AP5Z1: variants seen among roughly 807,000 people sequenced by gnomAD.
AP5Z1 encodes adaptor related protein complex 5 subunit zeta 1.
AP5Z1 carries 106 observed loss-of-function variants against 83.0 expected under a neutral mutation model. That is an observed-to-expected ratio of 1.28 (90% CI 1.09 to 1.50). The LOEUF (loss-of-function observed/expected upper bound fraction) is 1.50. Ranked by LOEUF, AP5Z1 falls within the 40% of genes most tolerant of loss-of-function variation. AP5Z1 has a pLI of 0.00. For missense variants in AP5Z1, 1,565 were observed against 1,094.2 expected (o/e 1.43, Z -6.07); for synonymous variants, 751 against 514.1 (o/e 1.46, Z -6.23).
At chr7:4,790,410 G>A (rs1203683258) in intron 14 of AP5Z1, 49 bp from the exon 15 acceptor site, 2 of 1,611,824 alleles carry the variant, frequency 1.2e-6, no homozygotes, top group Non-Finnish European at 1.7e-6. Context: ...GGATGGGGAT[G>A]GGGTCATAGG....
intron 1 of AP5Z1, among the ~76,000 whole-genome samples, chr7:4,779,945 AT>A (rs1029991694): frequency 6.6e-5 from 10 of 151,730 alleles, no homozygotes; most frequent in South Asian, 4.2e-4. Context: ...GCGTGGCCGA[AT>A]TTTTTTTATT....
At chr7:4,776,021 C>T (rs1197818485) in intron 1 of AP5Z1, among the ~76,000 whole-genome samples, 1 of 152,142 alleles carries the variant, frequency 6.6e-6, no homozygotes, top group African/African-American at 2.4e-5. Context: ...ACCCAGTCGA[C>T]AGTTTAGTCA....
rs748855008 is a variant in AP5Z1 at position 4,781,256 on chromosome 7, C to G, written c.123C>G (p.Thr41=). 6.2e-7 allele frequency: 1 copy of G among 1,613,856 alleles called. No homozygotes were observed. The highest frequency in any genetic ancestry group is 1.1e-5 in the South Asian group (1 of 91,078). ...AGGCGGAGGACTTGGGGCCGGACAC[C>G]CTCGACTCCCTGCAGAGGCTCTTCC... ...LLQAEDLGPD[T]LDSLQRLFLI... Residue 41 remains threonine, a synonymous_variant, in exon 2 of 17, where the codon ACC becomes ACG. Coordinates refer to ENST00000649063, the MANE Select transcript of AP5Z1 (RefSeq NM_014855.3).
intron 14 of AP5Z1, 74 bp downstream of exon 14, chr7:4,790,003 C>G: frequency 4.5e-6 from 5 of 1,121,394 alleles, no homozygotes; most frequent in South Asian, 3.4e-5. Flanking sequence ...CCCCTCCCCC[C>G]TCCCCTTCAG....
chr7:4,776,884 G>T (rs546166183), intron 1 of AP5Z1, among the ~76,000 whole-genome samples: 3 of 152,176 alleles, frequency 2.0e-5, no homozygotes, highest in Non-Finnish European at 4.4e-5. Context: ...TCGCACCACT[G>T]GACTCCAGTC....
Position 4,793,687 on chromosome 7 carries a change from G to C in AP5Z1, c.*2302G>C, listed in dbSNP as rs573464267. On this transcript the variant is annotated 3_prime_UTR_variant, in exon 17 of 17. Coordinates refer to ENST00000649063, the MANE Select transcript of AP5Z1 (RefSeq NM_014855.3). The stretch of plus-strand genomic sequence containing the variant: ...TAGCACCTGGACCAGCAGCTGCTGT[G>C]CTCGATTTCTCACTGGGCCTTAGCT... 6.6e-6 allele frequency: 1 copy of C among 152,650 alleles called. No individual in the cohort carries two copies. 9.5% of individuals were successfully genotyped at this position (152,650 alleles called of 1,614,324 possible).
Position 4,785,680 on chromosome 7 carries a change from C to T in AP5Z1, c.1128C>T (p.Ser376=). The T allele has an allele frequency of 6.5e-7, 1 of 1,529,916 alleles. No individual in the cohort carries two copies. Among genetic ancestry groups the T allele is most frequent in the Non-Finnish European group, 8.8e-7 (1 of 1,137,024 alleles). 94.8% of individuals were successfully genotyped at this position (1,529,916 alleles called of 1,614,324 possible). ...TGCCCCTCGCCCACTTCTTCCTGAG[C>T]CACGGTGAGCCCAGGGTGGGGTGGC... is the stretch of plus-strand genomic sequence containing the variant. ...VLLPLAHFFL[S]HGEAAAVDSE... is the part of the protein sequence containing the mutation. The change falls in exon 9 of 17, where the codon AGC becomes AGT. Residue 376 remains serine, a synonymous_variant. Transcript: ENST00000649063.
At chr7:4,786,972 A>G (rs1045769879) in intron 10 of AP5Z1, among the ~76,000 whole-genome samples, 1 of 151,646 alleles carries the variant, frequency 6.6e-6, no homozygotes, top group Non-Finnish European at 1.5e-5. Context: ...GGGTTTCGAC[A>G]TGTTGGCCAG....
chr7:4,786,968 C>T (rs778233651), intron 10 of AP5Z1, among the ~76,000 whole-genome samples: 21 of 151,886 alleles, frequency 1.4e-4, no homozygotes, highest in Non-Finnish European at 2.2e-4. Flanking sequence ...GATGGGGTTT[C>T]GACATGTTGG....
At chr7:4,790,437 G>T in intron 14 of AP5Z1, 22 bp from the exon 15 acceptor site, 1 of 1,612,912 alleles carries the variant, frequency 6.2e-7, no homozygotes, top group Non-Finnish European at 8.5e-7. Flanking sequence ...CAGAGCAGGC[G>T]TAGACCCGGC....
At chr7:4,790,007 C>CT in intron 14 of AP5Z1, 78 bp downstream of exon 14, 1 of 1,142,444 alleles carries the variant, frequency 8.8e-7, no homozygotes, top group Non-Finnish European at 1.2e-6. Flanking sequence ...TCCCCCCTCC[C>CT]CTTCAGTGGC....
intron 1 of AP5Z1, among the ~76,000 whole-genome samples, chr7:4,778,549 T>C (rs891221422): frequency 1.3e-5 from 2 of 151,532 alleles, no homozygotes; most frequent in African/African-American, 2.4e-5. Flanking sequence ...GGAGGCAGCG[T>C]TGGGGTCTGT....
Position 4,783,752 on chromosome 7 carries a change from G to A in AP5Z1, c.575G>A (p.Gly192Glu), listed in dbSNP as rs752495902. ...CTGCGCTACGCCAGCCTCCAGCAAG[G>A]GCTCCCACACTCCGGCGGCTTCTTC... ...DWLRYASLQQGLPHSGGFFST... is the reference protein window; with the variant it reads ...DWLRYASLQQELPHSGGFFST... The change falls in exon 5 of 17, where the codon GGG (glycine) becomes GAG (glutamate). Residue 192 changes from glycine (G) to glutamate (E), a missense_variant. Gly to Glu is a moderately conservative substitution (Grantham distance 98). Coordinates refer to ENST00000649063, the MANE Select transcript of AP5Z1 (RefSeq NM_014855.3). The A allele has an allele frequency of 3.3e-5, 51 of 1,550,868 alleles. No individual in the cohort carries two copies. The highest frequency in any genetic ancestry group is 3.3e-4 in the Middle Eastern group (2 of 5,994).
rs768975897 is a variant in AP5Z1, at chr7:4,785,094, C to T, written c.931+46C>T. On this transcript the variant is annotated intron_variant, in intron 7 of 16. Coordinates refer to ENST00000649063, the MANE Select transcript of AP5Z1 (RefSeq NM_014855.3). ...ACTGGCCTCCCCAGGGCTCGACGCACCTGCTCTGCAAGGCCACCTGAGGCC... is the reference window on the plus strand; with the variant it reads ...ACTGGCCTCCCCAGGGCTCGACGCATCTGCTCTGCAAGGCCACCTGAGGCC... 5 of 1,549,704 alleles carry T rather than the reference C, an allele frequency of 3.2e-6. No individual in the cohort carries two copies. The South Asian group carries it at 6.1e-5, about 19-fold the overall frequency.
chr7:4,785,142 G>C (rs1781500168), intron 7 of AP5Z1, 94 bp downstream of exon 7: 1 of 1,502,908 alleles, frequency 6.7e-7, no homozygotes, highest in Non-Finnish European at 8.9e-7. Context: ...CTGAGCTACT[G>C]CTCCACAGAG....
Position 4,790,772 on chromosome 7 carries a change from G to T in AP5Z1, c.2038G>T (p.Glu680Ter). The change falls in exon 16 of 17, where the codon GAG (glutamate) becomes TAG (stop). Residue 680 changes from glutamate (E) to a stop codon, truncating the protein, a stop_gained. Transcript: ENST00000649063. LOFTEE classifies it high-confidence loss of function. The part of the protein sequence containing the change: ...FFEALEALLF[E>*]VTQCRPSAAL... ...CGAAGCCCTGGAGGCTCTGCTATTC[G>T]AGGTCACCCAGTGCCGCCCCTCTGC... 1 of 1,608,776 alleles carries T rather than the reference G, an allele frequency of 6.2e-7. No homozygotes were observed.
chr7:4,782,439 T>TATCTC (rs780916087), intron 3 of AP5Z1, among the ~76,000 whole-genome samples: 4 of 152,212 alleles, frequency 2.6e-5, no homozygotes, highest in African/African-American at 4.8e-5. Flanking sequence ...TGCTCATGGG[T>TATCTC]TGCCCAGGGG....
At chr7:4,776,120 G>T (rs368002910) in intron 1 of AP5Z1, among the ~76,000 whole-genome samples, 29 of 152,346 alleles carry the variant, frequency 1.9e-4, no homozygotes, top group African/African-American at 6.7e-4. Context: ...CAAAGTCACA[G>T]TGTCCGGAGG....
At position 4,792,091 on chromosome 7, in the gene AP5Z1, C is replaced by G. The variant is rs1781795590; in HGVS notation, c.*706C>G. ...TCGGAGGGAAGGCCCCAGGGAGCCA[C>G]CTGAGTGGAGCTCAGAACACTGGAT... On this transcript the variant is annotated 3_prime_UTR_variant, in exon 17 of 17. Coordinates refer to ENST00000649063, the MANE Select transcript of AP5Z1 (RefSeq NM_014855.3). The G allele has an allele frequency of 6.6e-6, 1 of 152,318 alleles. No individual in the cohort carries two copies. The highest frequency in any genetic ancestry group is 1.5e-5 in the Non-Finnish European group (1 of 68,130). 9.4% of individuals were successfully genotyped at this position (152,318 alleles called of 1,614,324 possible). A position where few individuals can be genotyped will look rare whatever the true frequency, so the allele number is the denominator to read the frequency against.
Sources: gnomAD v4.1 joint callset for allele counts (sites outside exome capture counted in the v4.1 genomes callset) on GRCh38, gnomAD v4.1.1 for gene constraint, MANE v1.5 for transcripts, NCBI Gene and HGNC (gene_info 2026-07-23, HGNC 2026-07-21) for gene names.